Variants in FAM193A observed in about 807,000 individuals in gnomAD.
FAM193A encodes protein FAM193A.
In FAM193A, 22 loss-of-function variants were observed where a neutral mutation model predicts 126.5. That is an observed-to-expected ratio of 0.17 (90% confidence interval 0.12 to 0.25). The LOEUF (loss-of-function observed/expected upper bound fraction) is 0.25. Ranked by LOEUF, FAM193A falls within the 10% of genes least tolerant of loss-of-function variation. FAM193A has a pLI of 1.00. For missense variants in FAM193A, 1,675 were observed against 1,672.8 expected (o/e 1.00, Z -0.02); for synonymous variants, 761 against 646.8 (o/e 1.18, Z -2.68).
At chr4:2,643,416 A>C (rs1484065400) in intron 6 of FAM193A, among the ~76,000 whole-genome samples, 1 of 152,208 alleles carries the variant, frequency 6.6e-6, no homozygotes, top group African/African-American at 2.4e-5. Flanking sequence ...AAATTATGGT[A>C]AAGTATATAT....
chr4:2,571,727 A>G (rs1739303428), intron 1 of FAM193A, among the ~76,000 whole-genome samples: 1 of 151,700 alleles, frequency 6.6e-6, no homozygotes, highest in Non-Finnish European at 1.5e-5. Context: ...TTTAGTAGAG[A>G]CAGAGTTTCG....
At chr4:2,621,386 CA>C (rs566354419) in intron 2 of FAM193A, among the ~76,000 whole-genome samples, 67 of 152,268 alleles carry the variant, frequency 4.4e-4, no homozygotes, top group African/African-American at 1.6e-3. Flanking sequence ...CCTGATGGGA[CA>C]GTATTCTACA....
At chr4:2,702,899 T>C (rs1043313568) in intron 19 of FAM193A, among the ~76,000 whole-genome samples, 2 of 152,218 alleles carry the variant, frequency 1.3e-5, no homozygotes, top group African/African-American at 2.4e-5. Context: ...AATTACGTTA[T>C]TGATTGAAAA....
intron 1 of FAM193A, among the ~76,000 whole-genome samples, chr4:2,537,607 G>A (rs1578546980): frequency 6.6e-6 from 1 of 152,264 alleles, no homozygotes; most frequent in Non-Finnish European, 1.5e-5. Flanking sequence ...GTTCCAGAGC[G>A]ACTGCGATTC....
At position 2,597,185 on chromosome 4, in the gene FAM193A, G is replaced by A. The variant is rs544981211; in HGVS notation, c.501+856G>A. On this transcript the variant is annotated intron_variant, in intron 2 of 20. Coordinates refer to ENST00000637812, the MANE Select transcript of FAM193A (RefSeq NM_001366318.2). ...CATTGTCAGAATTACTTTCTCACTCGGCCCCTCCCGCATGTCCCGCTTTCC... is the reference window on the plus strand; with the variant it reads ...CATTGTCAGAATTACTTTCTCACTCAGCCCCTCCCGCATGTCCCGCTTTCC... Among the ~76,000 whole-genome samples, 239 of 152,126 alleles carry A rather than the reference G, an allele frequency of 1.6e-3. 1 individual carries two copies. The highest frequency in any genetic ancestry group is 5.6e-3 in the African/African-American group (234 of 41,486).
rs144219896 is a variant in FAM193A, at chr4:2,677,565, C to T, written c.2331+5193C>T. 7.1e-4 allele frequency among the ~76,000 whole-genome samples: 108 copies of T among 151,928 alleles called. No homozygotes were observed. In the East Asian group the frequency reaches 0.018, roughly 26 times the overall value. On this transcript the variant is annotated intron_variant, in intron 13 of 20. Transcript: ENST00000637812. ...ACCATCCTTGGCTAATACAGTGAAACCCTGTCTCTACTAAAAATACAAAAA... is the reference window on the plus strand; with the variant it reads ...ACCATCCTTGGCTAATACAGTGAAATCCTGTCTCTACTAAAAATACAAAAA...
chr4:2,699,103 G>A (rs1008375313), intron 18 of FAM193A, among the ~76,000 whole-genome samples: 1 of 152,128 alleles, frequency 6.6e-6, no homozygotes, highest in African/African-American at 2.4e-5. Flanking sequence ...TTGCCATGTT[G>A]CCCAGGCTGC....
At chr4:2,601,505 G>A (rs577118895) in intron 2 of FAM193A, among the ~76,000 whole-genome samples, 314 of 151,924 alleles carry the variant, frequency 2.1e-3, no homozygotes, top group Middle Eastern at 0.017. Flanking sequence ...AAAGTGCTGG[G>A]ATTACAAGCC....
intron 1 of FAM193A, among the ~76,000 whole-genome samples, chr4:2,552,199 G>C (rs1193526731): frequency 1.3e-5 from 2 of 151,876 alleles, no homozygotes; most frequent in African/African-American, 4.8e-5. Context: ...TTTTAGTAGA[G>C]ACGGGGTTTC....
chr4:2,587,641 C>T (rs1250588834), intron 1 of FAM193A, among the ~76,000 whole-genome samples: 1 of 152,080 alleles, frequency 6.6e-6, no homozygotes, highest in African/African-American at 2.4e-5. Flanking sequence ...TTGCAGCGAG[C>T]CAAGATCGTG....
chr4:2,582,891 T>C (rs1308000400), intron 1 of FAM193A, among the ~76,000 whole-genome samples: 1 of 152,188 alleles, frequency 6.6e-6, no homozygotes, highest in African/African-American at 2.4e-5. Flanking sequence ...CTGTTGGCTG[T>C]TGTTTGAAGC....
At chr4:2,566,402 C>T (rs752105996) in intron 1 of FAM193A, among the ~76,000 whole-genome samples, 3 of 152,014 alleles carry the variant, frequency 2.0e-5, no homozygotes, top group Non-Finnish European at 2.9e-5. Context: ...TGTAAATGGA[C>T]GTTTAGGCCA....
chr4:2,614,191 G>A (rs2108949941), intron 2 of FAM193A, among the ~76,000 whole-genome samples: 1 of 152,284 alleles, frequency 6.6e-6, no homozygotes, highest in Admixed American at 6.5e-5. Context: ...TTTCCAATGT[G>A]AGATTGAATA....
intron 20 of FAM193A, among the ~76,000 whole-genome samples, chr4:2,717,439 T>C (rs2109379231): frequency 6.6e-6 from 1 of 151,660 alleles, no homozygotes. Context: ...CTACTAAAAA[T>C]ACAAAAATTA....
intron 5 of FAM193A, among the ~76,000 whole-genome samples, chr4:2,635,215 A>G (rs979961343): frequency 6.6e-6 from 1 of 152,206 alleles, no homozygotes; most frequent in African/African-American, 2.4e-5. Flanking sequence ...ATTCATAGCC[A>G]CATTATTACA....
chr4:2,630,162 C>T (rs918844840), intron 4 of FAM193A, among the ~76,000 whole-genome samples: 2 of 151,068 alleles, frequency 1.3e-5, no homozygotes, highest in African/African-American at 4.9e-5. Flanking sequence ...GATTATCATA[C>T]ACATTTGTGT....
intron 1 of FAM193A, among the ~76,000 whole-genome samples, chr4:2,539,757 A>T (rs1272108390): frequency 1.3e-5 from 2 of 152,140 alleles, no homozygotes; most frequent in Non-Finnish European, 2.9e-5. Context: ...CCAAGAAATA[A>T]AATCCGTTAA....
In FAM193A at chr4:2,689,514, G is replaced by T; in HGVS notation, c.2340G>T (p.Pro780=). Residue 780 remains proline, a synonymous_variant, in exon 14 of 21, where the codon CCG becomes CCT. Transcript: ENST00000637812. ...TPPFTHSKAL[P]PAPVQNHTNK... is the part of the protein sequence containing the mutation. ...AAAATTTTTTTTTGTAGGCTTTACC[G>T]CCAGCACCTGTTCAGAATCACACAA... The T allele has an allele frequency of 1.3e-6, 2 of 1,546,922 alleles. No homozygotes were observed. Among genetic ancestry groups the T allele is most frequent in the Non-Finnish European group, 1.7e-6 (2 of 1,158,978 alleles).
At chr4:2,606,840 G>T (rs924599599) in intron 2 of FAM193A, among the ~76,000 whole-genome samples, 2 of 152,184 alleles carry the variant, frequency 1.3e-5, no homozygotes, top group South Asian at 2.1e-4. Context: ...ACAGTGGCAG[G>T]TGAAAGTTTT....
Sources: allele counts gnomAD v4.1 joint callset (sites outside exome capture counted in the v4.1 genomes callset), GRCh38; gene constraint gnomAD v4.1.1; transcripts MANE v1.5; gene names NCBI Gene and HGNC (gene_info 2026-07-23, HGNC 2026-07-21).